Variants in OPCML observed in about 807,000 individuals in gnomAD.
The protein encoded by OPCML is opioid-binding protein/cell adhesion molecule.
In OPCML, 13 loss-of-function variants were observed where a neutral mutation model predicts 37.8. The observed-to-expected ratio is 0.34, with a 90% CI of 0.22 to 0.55. The LOEUF is 0.55. Among genes scored for constraint, OPCML ranks in the 20% least tolerant of loss-of-function variants. The pLI is 0.91. For missense variants in OPCML, 341 were observed against 435.6 expected (o/e 0.78, Z 1.93); for synonymous variants, 176 against 168.8 (o/e 1.04, Z -0.33).
intron 2 of OPCML, among the ~76,000 whole-genome samples, chr11:132,813,445 C>A (rs577517594): frequency 1.3e-5 from 2 of 152,284 alleles, no homozygotes; most frequent in East Asian, 3.9e-4. Context: ...AACCTGAGCA[C>A]CATAACCGTC....
chr11:133,512,257 A>G (rs1319319745), intron 1 of OPCML, among the ~76,000 whole-genome samples: 1 of 152,172 alleles, frequency 6.6e-6, no homozygotes, highest in African/African-American at 2.4e-5. Context: ...CACACCTACC[A>G]CCCAGTCTTT....
chr11:133,027,092 G>A (rs1257978251), intron 1 of OPCML, among the ~76,000 whole-genome samples: 1 of 152,182 alleles, frequency 6.6e-6, no homozygotes, highest in Non-Finnish European at 1.5e-5. Context: ...TGACCTTCAG[G>A]AAGTTACATG....
At chr11:132,857,800 G>A (rs968365662) in intron 2 of OPCML, among the ~76,000 whole-genome samples, 16 of 152,098 alleles carry the variant, frequency 1.1e-4, no homozygotes, top group African/African-American at 3.6e-4. Context: ...TTTTTTGTCA[G>A]TTTTAGTTTG....
chr11:132,897,345 G>A (rs1292058080), intron 2 of OPCML, among the ~76,000 whole-genome samples: 4 of 152,130 alleles, frequency 2.6e-5, no homozygotes, highest in Non-Finnish European at 4.4e-5. Context: ...CCAGGTGACC[G>A]GAGCTGCCCA....
chr11:133,166,906 T>C (rs1950215869), intron 1 of OPCML, among the ~76,000 whole-genome samples: 1 of 152,236 alleles, frequency 6.6e-6, no homozygotes, highest in African/African-American at 2.4e-5. Context: ...GCTTGCACGC[T>C]ATCTAGAAGA....
At chr11:132,991,396 A>G (rs566717419) in intron 1 of OPCML, among the ~76,000 whole-genome samples, 2 of 152,338 alleles carry the variant, frequency 1.3e-5, no homozygotes, top group Non-Finnish European at 2.9e-5. Context: ...ATTCCACTCA[A>G]TAATGCATTT....
chr11:132,867,980 G>T (rs1195381013), intron 2 of OPCML, among the ~76,000 whole-genome samples: 1 of 152,160 alleles, frequency 6.6e-6, no homozygotes, highest in African/African-American at 2.4e-5. Context: ...TTCTCTCGGG[G>T]CTCCGTGTTC....
chr11:133,385,799 TA>T (rs1170127915), intron 1 of OPCML, among the ~76,000 whole-genome samples: 1 of 152,304 alleles, frequency 6.6e-6, no homozygotes, highest in East Asian at 1.9e-4. Flanking sequence ...TAACATATTA[TA>T]ATCTCTGTCT....
chr11:132,893,276 CA>C (rs1943720998), intron 2 of OPCML, among the ~76,000 whole-genome samples: 1 of 152,132 alleles, frequency 6.6e-6, no homozygotes, highest in Admixed American at 6.5e-5. Flanking sequence ...CAAAACAAAA[CA>C]AAAAACCTCC....
At chr11:133,159,640 G>A (rs1485498957) in intron 1 of OPCML, among the ~76,000 whole-genome samples, 1 of 152,230 alleles carries the variant, frequency 6.6e-6, no homozygotes, top group Admixed American at 6.5e-5. Context: ...GTATTGCGTA[G>A]AGAAGGAAAG....
At chr11:132,685,795 G>A (rs1209518015) in intron 2 of OPCML, among the ~76,000 whole-genome samples, 6 of 152,092 alleles carry the variant, frequency 3.9e-5, no homozygotes, top group South Asian at 2.1e-4. Flanking sequence ...ATCCCACCTC[G>A]TTAAAGATGC....
At chr11:133,378,699 T>C (rs1363695382) in intron 1 of OPCML, among the ~76,000 whole-genome samples, 1 of 151,490 alleles carries the variant, frequency 6.6e-6, no homozygotes. Context: ...TTTCTTTTTT[T>C]CCTTCCTTCC....
chr11:132,999,145 G>A (rs952285756), intron 1 of OPCML, among the ~76,000 whole-genome samples: 39 of 152,278 alleles, frequency 2.6e-4, no homozygotes, highest in Middle Eastern at 6.8e-3. Flanking sequence ...CAGCAGTCCT[G>A]CCCTATCTGG....
chr11:133,495,006 C>A (rs1477440678), intron 1 of OPCML, among the ~76,000 whole-genome samples: 3 of 152,182 alleles, frequency 2.0e-5, no homozygotes, highest in Admixed American at 2.0e-4. Context: ...TGGTGCATCA[C>A]CCAAGCAGTA....
chr11:132,618,993 A>G (rs1456523514), intron 3 of OPCML, among the ~76,000 whole-genome samples: 1 of 114,618 alleles, frequency 8.7e-6, no homozygotes, highest in Non-Finnish European at 1.9e-5. Flanking sequence ...ACACACACAC[A>G]CACACACCGT....
chr11:132,775,337 GGTATATCACTCCCA>G (rs1291764402), intron 2 of OPCML, among the ~76,000 whole-genome samples: 1 of 152,168 alleles, frequency 6.6e-6, no homozygotes, highest in African/African-American at 2.4e-5. Context: ...GTGATTATAA[GGTATATCACTCCCA>G]GAATTGATTT....
Position 133,173,395 on chromosome 11 carries a change from T to C in OPCML, c.62-230385A>G, listed in dbSNP as rs1950314360. ...GTATCGATAGGAGTACAGATCCCAG[T>C]ATGTTGCACACTGTAAGAACTTAAA... On this transcript the variant is annotated intron_variant, in intron 1 of 7. Transcript: ENST00000524381. The surrounding 1 kb of genome is among the most constrained non-coding windows in gnomAD (Gnocchi z 7.8). Among the ~76,000 whole-genome samples the C allele has an allele frequency of 6.6e-6, 1 of 152,220 alleles. No homozygotes were observed. The highest frequency in any genetic ancestry group is 2.1e-4 in the South Asian group (1 of 4,828).
chr11:132,489,960 A>T (rs900380972), intron 4 of OPCML, among the ~76,000 whole-genome samples: 2 of 151,946 alleles, frequency 1.3e-5, no homozygotes, highest in African/African-American at 4.8e-5. Context: ...CTGTTATTGT[A>T]TTAGTTTGCT....
intron 1 of OPCML, chr11:133,026,492 G>T (rs1182472543): frequency 1.0e-6 from 1 of 985,260 alleles, no homozygotes; most frequent in African/African-American, 1.7e-5. Flanking sequence ...CACGCAGTAG[G>T]TTTTGTCCTG....
Sources: allele counts gnomAD v4.1 joint callset (sites outside exome capture counted in the v4.1 genomes callset), GRCh38; gene constraint gnomAD v4.1.1; non-coding constraint Gnocchi (gnomAD v3.1); transcripts MANE v1.5; gene names NCBI Gene and HGNC (gene_info 2026-07-23, HGNC 2026-07-21).